USH2A: variants seen among roughly 807,000 people sequenced by gnomAD.
USH2A encodes usherin.
In USH2A, 443 loss-of-function variants were observed where a neutral mutation model predicts 538.9. That is an observed-to-expected ratio of 0.82 (90% confidence interval 0.76 to 0.89). The LOEUF (loss-of-function observed/expected upper bound fraction) is 0.89. Among genes scored for constraint, USH2A ranks in the 40% least tolerant of loss-of-function variants. USH2A has a pLI of 0.00. For synonymous variants in USH2A, 2,413 were observed against 2,273.5 expected (o/e 1.06, Z -1.75); for missense variants, 6,633 against 6,324.8 (o/e 1.05, Z -1.65).
intron 61 of USH2A, among the ~76,000 whole-genome samples, chr1:215,725,814 G>A (rs1007248020): frequency 2.0e-5 from 3 of 152,090 alleles, no homozygotes; most frequent in Non-Finnish European, 2.9e-5. Context: ...TTAAAGCTTG[G>A]GGCCATACAC....
chr1:216,208,109 T>C (rs1318758826), intron 15 of USH2A, among the ~76,000 whole-genome samples: 2 of 152,144 alleles, frequency 1.3e-5, no homozygotes, highest in Non-Finnish European at 2.9e-5. Flanking sequence ...TATAAATATA[T>C]ACCATGAAAA....
intron 40 of USH2A, among the ~76,000 whole-genome samples, chr1:215,890,702 C>A (rs186640478): frequency 1.3e-5 from 2 of 152,122 alleles, no homozygotes; most frequent in Non-Finnish European, 2.9e-5. Flanking sequence ...GTAGCAGTAG[C>A]AATTATTATA....
At chr1:216,152,706 G>T (rs2102621468) in intron 21 of USH2A, among the ~76,000 whole-genome samples, 1 of 152,262 alleles carries the variant, frequency 6.6e-6, no homozygotes, top group Admixed American at 6.5e-5. Flanking sequence ...TAAGAGCAGG[G>T]AACAAGTCTA....
rs189481733 is a variant in USH2A at position 216,140,141 on chromosome 1, T to C, written c.4627+35111A>G. Among the ~76,000 whole-genome samples the C allele has an allele frequency of 9.3e-4, 141 of 152,262 alleles. 1 individual carries two copies. The highest frequency in any genetic ancestry group is 2.9e-3 in the African/African-American group (121 of 41,534). ...TTAATATGAGGTTTGAAGAGTACTT[T>C]TATAATATTTTTTAGAAACATAGAA... is the stretch of plus-strand genomic sequence containing the variant. On this transcript the variant is annotated intron_variant, in intron 21 of 71. Coordinates refer to ENST00000307340, the MANE Select transcript of USH2A (RefSeq NM_206933.4).
intron 62 of USH2A, 41 bp from the exon 63 acceptor site, chr1:215,675,657 C>T (rs1234573920): frequency 5.0e-5 from 81 of 1,613,650 alleles, no homozygotes; most frequent in Non-Finnish European, 6.9e-5. Context: ...TTGCAGCATA[C>T]AATTTCTTTG....
intron 11 of USH2A, among the ~76,000 whole-genome samples, chr1:216,262,105 A>C (rs1321635248): frequency 6.6e-6 from 1 of 152,186 alleles, no homozygotes; most frequent in Non-Finnish European, 1.5e-5. Context: ...ACATTAAAAG[A>C]AGCAATTACT....
intron 23 of USH2A, among the ~76,000 whole-genome samples, chr1:216,087,420 C>T (rs1003535762): frequency 6.6e-6 from 1 of 152,014 alleles, no homozygotes; most frequent in Non-Finnish European, 1.5e-5. Context: ...GAATGTCTCT[C>T]CCCAAACCTG....
At chr1:215,803,206 C>A (rs1237824507) in intron 49 of USH2A, among the ~76,000 whole-genome samples, 1 of 152,082 alleles carries the variant, frequency 6.6e-6, no homozygotes, top group Non-Finnish European at 1.5e-5. Flanking sequence ...GGAAGCATTC[C>A]CTTTGAAAAC....
At chr1:216,002,089 C>T (rs188334412) in intron 32 of USH2A, among the ~76,000 whole-genome samples, 7 of 152,178 alleles carry the variant, frequency 4.6e-5, no homozygotes, top group African/African-American at 1.4e-4. Context: ...CAGCAACAGT[C>T]GCACTATAGG....
intron 16 of USH2A, among the ~76,000 whole-genome samples, chr1:216,206,943 T>C (rs1281329992): frequency 6.6e-6 from 1 of 152,204 alleles, no homozygotes; most frequent in African/African-American, 2.4e-5. Flanking sequence ...AACAAATTAT[T>C]GTACATGAAA....
intron 30 of USH2A, among the ~76,000 whole-genome samples, chr1:216,059,034 T>A (rs145074904): frequency 6.6e-6 from 1 of 151,968 alleles, no homozygotes; most frequent in Admixed American, 6.6e-5. Context: ...TTCAGTTGAA[T>A]AGAAAAAAAA....
Position 215,634,453 on chromosome 1 carries a change from A to AC in USH2A, c.15297+5dup. ...GGGAAATGGGGCCACACCTCTACAA[A>AC]CATACCATATGGTTTTCCCCCGGTG... is the stretch of plus-strand genomic sequence containing the variant. On this transcript the variant is annotated splice_donor_region_variant and intron_variant, in intron 70 of 71. Transcript: ENST00000307340. The AC allele has an allele frequency of 1.2e-6, 2 of 1,614,172 alleles. No homozygotes were observed. Among genetic ancestry groups the AC allele is most frequent in the Middle Eastern group, 3.3e-4 (2 of 6,058 alleles).
At chr1:216,015,245 C>T (rs1283244885) in intron 32 of USH2A, among the ~76,000 whole-genome samples, 5 of 152,146 alleles carry the variant, frequency 3.3e-5, no homozygotes, top group African/African-American at 2.4e-5. Flanking sequence ...ACATCTTCGG[C>T]AGCAAACCTA....
intron 4 of USH2A, among the ~76,000 whole-genome samples, chr1:216,328,956 A>G (rs1437669723): frequency 6.6e-6 from 1 of 152,194 alleles, no homozygotes; most frequent in Non-Finnish European, 1.5e-5. Context: ...ATGTAGTCTA[A>G]GAAAAATACA....
intron 3 of USH2A, among the ~76,000 whole-genome samples, chr1:216,370,204 C>CA (rs997725241): frequency 2.6e-5 from 4 of 151,290 alleles, no homozygotes; most frequent in African/African-American, 4.9e-5. Context: ...ACTAAAAATA[C>CA]AAAAAAATTA....
chr1:216,151,333 A>C (rs1170936346), intron 21 of USH2A, among the ~76,000 whole-genome samples: 1 of 152,066 alleles, frequency 6.6e-6, no homozygotes, highest in East Asian at 1.9e-4. Context: ...CTCTACCTAC[A>C]TGTGTCTACC....
chr1:216,100,614 C>T (rs2032554439), intron 21 of USH2A, among the ~76,000 whole-genome samples: 1 of 152,124 alleles, frequency 6.6e-6, no homozygotes, highest in East Asian at 1.9e-4. Flanking sequence ...GAGAGCAAAA[C>T]TCTCTACCAG....
chr1:216,002,296 T>C (rs1041829170), intron 32 of USH2A, among the ~76,000 whole-genome samples: 3 of 152,194 alleles, frequency 2.0e-5, no homozygotes, highest in Non-Finnish European at 4.4e-5. Context: ...TGTGTTTATA[T>C]GCTAACATAT....
At chr1:216,296,716 T>A (rs1286526175) in intron 9 of USH2A, among the ~76,000 whole-genome samples, 1 of 151,960 alleles carries the variant, frequency 6.6e-6, no homozygotes, top group East Asian at 1.9e-4. Flanking sequence ...AAAATGAAAC[T>A]CACTTCATAA....
Sources: allele counts gnomAD v4.1 joint callset (sites outside exome capture counted in the v4.1 genomes callset), GRCh38; gene constraint gnomAD v4.1.1; transcripts MANE v1.5; gene names NCBI Gene and HGNC (gene_info 2026-07-23, HGNC 2026-07-21).